The following SHROOM4 variants were observed in gnomAD, a reference collection of about 807,000 sequenced individuals.
SHROOM4 encodes shroom family member 4, also known as protein Shroom4.
Under a neutral mutation model 80.3 loss-of-function variants are expected in SHROOM4, and 17 were observed. The ratio of observed to expected loss-of-function variants is 0.21; its 90% CI spans 0.14 to 0.32. The LOEUF is 0.32. SHROOM4 is among the 10% of genes least tolerant of loss of function. The pLI is 1.00. For synonymous variants in SHROOM4, 400 were observed against 437.5 expected (o/e 0.91, Z 1.07); for missense variants, 993 against 1,140.3 (o/e 0.87, Z 1.86).
chrX:50,712,195 C>A (rs1319558106), intron 1 of SHROOM4, among the ~76,000 whole-genome samples: 1 of 111,694 alleles, frequency 9.0e-6, no homozygotes, highest in Non-Finnish European at 1.9e-5. Context: ...TTGCTGAGCA[C>A]TTTTTGTTTC....
intron 2 of SHROOM4, among the ~76,000 whole-genome samples, chrX:50,666,132 C>A (rs1014368305): frequency 9.0e-6 from 1 of 111,472 alleles, no homozygotes; most frequent in African/African-American, 3.3e-5. Context: ...CCAGCTCTGA[C>A]ACTTACTAGC....
intron 2 of SHROOM4, among the ~76,000 whole-genome samples, chrX:50,672,045 T>C (rs1755946463): frequency 9.0e-6 from 1 of 110,793 alleles, no homozygotes; most frequent in African/African-American, 3.3e-5. Flanking sequence ...AGAGGGAGAG[T>C]GATAGAGGAA....
chrX:50,770,945 T>G (rs781895319), intron 1 of SHROOM4, among the ~76,000 whole-genome samples: 3 of 111,343 alleles, frequency 2.7e-5, no homozygotes, highest in African/African-American at 6.5e-5. Context: ...CAACACACAC[T>G]TCCCCCTACT....
intron 1 of SHROOM4, among the ~76,000 whole-genome samples, chrX:50,731,956 G>T (rs1557266337): frequency 8.9e-6 from 1 of 111,992 alleles, no homozygotes; most frequent in Non-Finnish European, 1.9e-5. Context: ...TTGCAGGAGA[G>T]AATTGGAGAA....
At chrX:50,696,530 A>G (rs1001193408) in intron 1 of SHROOM4, among the ~76,000 whole-genome samples, 1 of 112,285 alleles carries the variant, frequency 8.9e-6, no homozygotes, top group Non-Finnish European at 1.9e-5. Flanking sequence ...TCCTCAATTA[A>G]CATGAGCTCT....
intron 2 of SHROOM4, among the ~76,000 whole-genome samples, chrX:50,663,155 C>T (rs1557260093): frequency 8.9e-6 from 1 of 111,883 alleles, no homozygotes; most frequent in Non-Finnish European, 1.9e-5. Context: ...GTTCTACCTA[C>T]TCCCTACAAC....
chrX:50,726,367 G>A (rs1557265882), intron 1 of SHROOM4, among the ~76,000 whole-genome samples: 1 of 112,427 alleles, frequency 8.9e-6, no homozygotes, highest in Non-Finnish European at 1.9e-5. Flanking sequence ...AGAAATTCAA[G>A]CCTGCTATAG....
At chrX:50,618,332 C>CT (rs1930373542) in intron 5 of SHROOM4, among the ~76,000 whole-genome samples, 1 of 4,968 alleles carries the variant, frequency 2.0e-4, no homozygotes, top group Admixed American at 1.9e-3. Flanking sequence ...TCCTTCCTTC[C>CT]TTCCTTCCTT....
At chrX:50,636,952 G>T (rs1931383155) in intron 3 of SHROOM4, among the ~76,000 whole-genome samples, 1 of 111,383 alleles carries the variant, frequency 9.0e-6, no homozygotes, top group African/African-American at 3.3e-5. Flanking sequence ...CAGGTACCTA[G>T]CAAGGGTTCA....
chrX:50,770,964 C>T (rs782580195), intron 1 of SHROOM4, among the ~76,000 whole-genome samples: 1 of 111,548 alleles, frequency 9.0e-6, no homozygotes, highest in Non-Finnish European at 1.9e-5. Flanking sequence ...CTCAACAATG[C>T]TTACAATAAA....
At chrX:50,767,747 C>T (rs782396981) in intron 1 of SHROOM4, among the ~76,000 whole-genome samples, 11 of 111,228 alleles carry the variant, frequency 9.9e-5, no homozygotes, top group East Asian at 2.8e-4. Context: ...CTTTCATGAA[C>T]GCTATGTATT....
chrX:50,765,108 T>C (rs781969455), intron 1 of SHROOM4, among the ~76,000 whole-genome samples: 2 of 111,671 alleles, frequency 1.8e-5, no homozygotes, highest in Admixed American at 9.5e-5. Flanking sequence ...CCATGACACA[T>C]GGCAATTATG....
intron 7 of SHROOM4, among the ~76,000 whole-genome samples, chrX:50,599,334 A>G (rs1929286118): frequency 9.0e-6 from 1 of 111,250 alleles, no homozygotes; most frequent in African/African-American, 3.3e-5. Flanking sequence ...GGCCTTTTGG[A>G]TAAGACTGTG....
chrX:50,599,728 T>A (rs1557247385), intron 7 of SHROOM4, among the ~76,000 whole-genome samples: 1 of 111,600 alleles, frequency 9.0e-6, no homozygotes, highest in African/African-American at 3.3e-5. Flanking sequence ...TTTTGATTAT[T>A]CCTAAATTTC....
At chrX:50,686,191 C>G (rs1933068001) in intron 2 of SHROOM4, among the ~76,000 whole-genome samples, 1 of 106,437 alleles carries the variant, frequency 9.4e-6, no homozygotes, top group Non-Finnish European at 1.9e-5. Context: ...ACCACCATGC[C>G]TGGCTAATTT....
At chrX:50,654,967 T>G (rs782802677) in intron 2 of SHROOM4, among the ~76,000 whole-genome samples, 4 of 102,876 alleles carry the variant, frequency 3.9e-5, no homozygotes, top group Non-Finnish European at 7.9e-5. Context: ...TAGGTCCCAG[T>G]GTCCATTGTT....
At chrX:50,647,340 T>C (rs1345221219) in intron 2 of SHROOM4, among the ~76,000 whole-genome samples, 3 of 111,395 alleles carry the variant, frequency 2.7e-5, no homozygotes, top group African/African-American at 9.8e-5. Flanking sequence ...GAAAGAGTTT[T>C]TTTCCCTCTC....
rs191037518 is a variant in SHROOM4 at position 50,640,841 on chromosome X, G to A, written c.270-2533C>T. Among the ~76,000 whole-genome samples, 15 of 112,292 alleles carry A rather than the reference G, an allele frequency of 1.3e-4. No homozygotes were observed. In the East Asian group the frequency reaches 4.2e-3, roughly 31 times the overall value. On this transcript the variant is annotated intron_variant, in intron 2 of 8. Coordinates refer to ENST00000376020, the MANE Select transcript of SHROOM4 (RefSeq NM_020717.5). The stretch of plus-strand genomic sequence containing the variant: ...CAGGCTCTGGGGTCAGACCACCTTT[G>A]TTTGAATCCCAGCTCTACCACTCAT...
chrX:50,660,108 G>T (rs1304817047), intron 2 of SHROOM4, among the ~76,000 whole-genome samples: 2 of 111,956 alleles, frequency 1.8e-5, no homozygotes, highest in Non-Finnish European at 3.8e-5. Flanking sequence ...AGTCCTACAA[G>T]TGGAACTATA....
Sources: gnomAD v4.1 joint callset for allele counts (sites outside exome capture counted in the v4.1 genomes callset) on GRCh38, gnomAD v4.1.1 for gene constraint, MANE v1.5 for transcripts, NCBI Gene and HGNC (gene_info 2026-07-23, HGNC 2026-07-21) for gene names.